ENO2: variants seen among roughly 807,000 people sequenced by gnomAD.
ENO2 encodes the protein enolase 2.
A neutral mutation model predicts 48.7 loss-of-function variants in ENO2; 19 were observed. The observed-to-expected ratio is 0.39, with a 90% confidence interval of 0.27 to 0.57. The LOEUF (loss-of-function observed/expected upper bound fraction) is 0.57, where lower values mean the gene tolerates loss of function less well. Among genes scored for constraint, ENO2 ranks in the 20% least tolerant of loss-of-function variants. The pLI is 0.58. For synonymous variants in ENO2, 198 were observed against 213.4 expected (o/e 0.93, Z 0.63); for missense variants, 416 against 555.0 (o/e 0.75, Z 2.52).
rs1945291027 is a variant in ENO2 at position 6,916,227 on chromosome 12, G to GA, written c.86-190_86-189insA. On this transcript the variant is annotated intron_variant, in intron 2 of 11. Coordinates refer to ENST00000229277, the MANE Select transcript of ENO2 (RefSeq NM_001975.3). The surrounding 1 kb of genome is among the most constrained non-coding windows in gnomAD (Gnocchi z 4.5). ...CACTTGTGCATGTGGGGCCTCAGAT[G>GA]GGTGGATGAGGAGGCCACTTCTTGT... Among the ~76,000 whole-genome samples, 1 of 151,624 alleles carries GA rather than the reference G, an allele frequency of 6.6e-6. No homozygotes were observed. The highest frequency in any genetic ancestry group is 1.5e-5 in the Non-Finnish European group (1 of 67,884).
At position 6,921,971 on chromosome 12, in the gene ENO2, T is replaced by C. The variant is rs782412701; in HGVS notation, c.1068-85T>C. Reference sequence around the variant, plus strand: ...CCCTCCCAGATAGCTTTCCCCTAGATGTTTCCTGACATAGACCAAGGTTGG... The same window carrying C: ...CCCTCCCAGATAGCTTTCCCCTAGACGTTTCCTGACATAGACCAAGGTTGG... On this transcript the variant is annotated intron_variant, in intron 9 of 11. Transcript: ENST00000229277. The C allele has an allele frequency of 2.0e-5, 31 of 1,574,866 alleles. No individual in the cohort carries two copies. The East Asian group carries it at 3.1e-4, about 16-fold the overall frequency.
Position 6,923,059 on chromosome 12 carries a change from A to C in ENO2, c.*259A>C, listed in dbSNP as rs1187033545. 1 of 463,834 alleles carries C rather than the reference A, an allele frequency of 2.2e-6. No homozygotes were observed. Among genetic ancestry groups the C allele is most frequent in the African/African-American group, 2.0e-5 (1 of 51,052 alleles). The allele number at this position is 463,834 out of a possible 1,614,324, so 28.7% of individuals were successfully genotyped here. ...TTCTCTCTTCCCTCAGAAACTAGAA[A>C]TGTGAATGAGGATTATTATAAAAGG... On this transcript the variant is annotated 3_prime_UTR_variant, in exon 12 of 12. Coordinates refer to ENST00000229277, the MANE Select transcript of ENO2 (RefSeq NM_001975.3).
intron 7 of ENO2, among the ~76,000 whole-genome samples, chr12:6,918,436 C>T (rs1217742281): frequency 6.6e-6 from 1 of 150,962 alleles, no homozygotes; most frequent in Admixed American, 6.6e-5. Flanking sequence ...CTGCAAGCTC[C>T]GCCTCCCGGG....
chr12:6,923,660 T>C lies in ENO2; in HGVS notation c.*860T>C, dbSNP rs1046696701. The stretch of plus-strand genomic sequence containing the variant: ...CACAGTTGCCACCACCTCTGTGGCA[T>C]TGAAATGAGCACCTCCATTAAAGTC... On this transcript the variant is annotated 3_prime_UTR_variant, in exon 12 of 12. Coordinates refer to ENST00000229277, the MANE Select transcript of ENO2 (RefSeq NM_001975.3). The C allele has an allele frequency of 2.0e-5, 3 of 152,286 alleles. No individual in the cohort carries two copies. Among genetic ancestry groups the C allele is most frequent in the Non-Finnish European group, 2.9e-5 (2 of 68,098 alleles). The allele number at this position is 152,286 out of a possible 1,614,324, so 9.4% of individuals were successfully genotyped here.
intron 9 of ENO2, 29 bp downstream of exon 9, chr12:6,921,811 G>C (rs1361526411): frequency 2.3e-5 from 37 of 1,611,546 alleles, no homozygotes; most frequent in Non-Finnish European, 3.1e-5. Flanking sequence ...TCTCCTGTGT[G>C]GTCCTCGTTT....
chr12:6,920,717 CTTT>C (rs781865832), intron 8 of ENO2, among the ~76,000 whole-genome samples: 3,922 of 94,764 alleles, frequency 0.041, 89 homozygotes, highest in East Asian at 0.19. Context: ...TTTTAATTAA[CTTT>C]TTTTTTTTTT....
chr12:6,917,755 G>A lies in ENO2; in HGVS notation c.444+41G>A, dbSNP rs2071418. 4.9e-3 allele frequency: 7,617 copies of A among 1,564,600 alleles called. 510 individuals carry two copies. In the East Asian group the frequency reaches 0.14, roughly 28 times the overall value. On this transcript the variant is annotated intron_variant, in intron 6 of 11. Transcript: ENST00000229277. Reference sequence around the variant, plus strand: ...GCCTGCGGCTCTCCCAGGGGCGGGTGGGGGAGGGAGCATGCAACTCATGAG... The same window carrying A: ...GCCTGCGGCTCTCCCAGGGGCGGGTAGGGGAGGGAGCATGCAACTCATGAG...
intron 2 of ENO2, 63 bp downstream of exon 2, chr12:6,915,980 C>T: frequency 6.3e-7 from 1 of 1,591,998 alleles, no homozygotes; most frequent in Non-Finnish European, 8.6e-7. Context: ...CTGGGTTCGG[C>T]CAGGGGTTCG....
intron 1 of ENO2, 118 bp from the exon 2 acceptor site, chr12:6,915,703 C>T: frequency 2.9e-6 from 1 of 345,834 alleles, no homozygotes; most frequent in South Asian, 2.5e-5. Context: ...TACCCACCCC[C>T]CACCCACTGC....
rs368304597 is a variant in ENO2, at chr12:6,915,704, C to A, written c.-12-117C>A. 3.7e-5 allele frequency: 13 copies of A among 350,842 alleles called. 1 individual carries two copies. The highest frequency in any genetic ancestry group is 2.0e-4 in the South Asian group (8 of 40,342). The allele number at this position is 350,842 out of a possible 1,614,324, so 21.7% of individuals were successfully genotyped here. ...AGCCAGCGCCTCCCTACCCACCCCC[C>A]ACCCACTGCAGTAACCTCTTTCCCA... is the stretch of plus-strand genomic sequence containing the variant. On this transcript the variant is annotated intron_variant, in intron 1 of 11. Transcript: ENST00000229277.
intron 7 of ENO2, 26 bp downstream of exon 7, chr12:6,918,188 C>G: frequency 1.2e-6 from 2 of 1,610,656 alleles, no homozygotes; most frequent in Non-Finnish European, 1.7e-6. Context: ...CCACTCCCAG[C>G]TCTAAGTCTT....
At chr12:6,915,727 C>T in intron 1 of ENO2, 94 bp from the exon 2 acceptor site, 1 of 530,094 alleles carries the variant, frequency 1.9e-6, no homozygotes, top group Non-Finnish European at 3.4e-6. Context: ...AACCTCTTTC[C>T]CATCCCTCCC....
rs782344801 is a variant in ENO2, at chr12:6,916,414, T to G, written c.86-3T>G. ...TCCCTCTCATTCCATGTTCCTCCTTTAGGTCTTTTCCGGGCTGCAGTGCCC... is the reference window on the plus strand; with the variant it reads ...TCCCTCTCATTCCATGTTCCTCCTTGAGGTCTTTTCCGGGCTGCAGTGCCC... On this transcript the variant is annotated splice_region_variant and splice_polypyrimidine_tract_variant and intron_variant, in intron 2 of 11. Transcript: ENST00000229277. This position sits in a 1 kb window ranked among gnomAD's most constrained non-coding sequence, Gnocchi z 4.5. The G allele has an allele frequency of 1.6e-5, 26 of 1,612,730 alleles. No homozygotes were observed. In the Admixed American group the frequency reaches 4.3e-4, roughly 27 times the overall value.
chr12:6,922,722 C>T lies in ENO2; in HGVS notation c.1236-9C>T, dbSNP rs1412308296. 6.2e-7 allele frequency: 1 copy of T among 1,613,932 alleles called. No individual in the cohort carries two copies. The stretch of plus-strand genomic sequence containing the variant: ...CCTGACCACTTCCTTTGTGGTTCAT[C>T]TCTCTCAGAATTGAGGAAGAGCTGG... On this transcript the variant is annotated splice_polypyrimidine_tract_variant and intron_variant, in intron 11 of 11. Coordinates refer to ENST00000229277, the MANE Select transcript of ENO2 (RefSeq NM_001975.3). The surrounding 1 kb of genome is among the most constrained non-coding windows in gnomAD (Gnocchi z 5.3).
chr12:6,916,859 C>T lies in ENO2; in HGVS notation c.240+130C>T, dbSNP rs1274681918. On this transcript the variant is annotated intron_variant, in intron 4 of 11. Transcript: ENST00000229277. This position sits in a 1 kb window ranked among gnomAD's most constrained non-coding sequence, Gnocchi z 4.5. ...GGTTACAAGGGGGAAGGGTGGGGAA[C>T]AGCTTCCTTAATGCACCCTGCTCCC... 4.2e-6 allele frequency: 6 copies of T among 1,416,674 alleles called. No homozygotes were observed. In the East Asian group the frequency reaches 9.4e-5, roughly 22 times the overall value. 87.8% of individuals were successfully genotyped at this position (1,416,674 alleles called of 1,614,324 possible).
chr12:6,919,441 A>C, intron 7 of ENO2, 125 bp from the exon 8 acceptor site: 1 of 1,040,964 alleles, frequency 9.6e-7, no homozygotes, highest in Non-Finnish European at 1.4e-6. Flanking sequence ...TAACCCCAAC[A>C]GCATCCCCGC....
At position 6,922,267 on chromosome 12, in the gene ENO2, A is replaced by G. The variant is rs1945347763; in HGVS notation, c.1177-77A>G. ...TCCAGGTGTTTGAGGGTGTCAGGGG[A>G]GTTTCAGGAGAGCAGAAGTTTCCTT... On this transcript the variant is annotated intron_variant, in intron 10 of 11. Coordinates refer to ENST00000229277, the MANE Select transcript of ENO2 (RefSeq NM_001975.3). The surrounding 1 kb of genome is among the most constrained non-coding windows in gnomAD (Gnocchi z 5.3). The G allele has an allele frequency of 6.2e-7, 1 of 1,610,498 alleles. No homozygotes were observed. The highest frequency in any genetic ancestry group is 8.5e-7 in the Non-Finnish European group (1 of 1,177,148).
chr12:6,915,041 G>T (rs1349455200), intron 1 of ENO2, among the ~76,000 whole-genome samples: 1 of 151,994 alleles, frequency 6.6e-6, no homozygotes, highest in Non-Finnish European at 1.5e-5. Flanking sequence ...ACCTCCCCCA[G>T]ACTTCCCTTG....
In ENO2 at chr12:6,917,720, C is replaced by CAAT; in HGVS notation, c.444+9_444+11dup. ...ACCTCATCCTGCCTGTGCCGGTGAG[C>CAAT]AATAAGCCAGCCTGCGGCTCTCCCA... On this transcript the variant is annotated splice_region_variant and intron_variant, in intron 6 of 11. Transcript: ENST00000229277. The CAAT allele has an allele frequency of 9.7e-7, 1 of 1,025,954 alleles. No individual in the cohort carries two copies. Among genetic ancestry groups the CAAT allele is most frequent in the Non-Finnish European group, 1.3e-6 (1 of 759,868 alleles). The allele number at this position is 1,025,954 out of a possible 1,614,324, so 63.6% of individuals were successfully genotyped here.
Sources: allele counts gnomAD v4.1 joint callset (sites outside exome capture counted in the v4.1 genomes callset), GRCh38; gene constraint gnomAD v4.1.1; non-coding constraint Gnocchi (gnomAD v3.1); transcripts MANE v1.5; gene names NCBI Gene and HGNC (gene_info 2026-07-23, HGNC 2026-07-21).